The following LIFR variants were observed in gnomAD, a reference collection of about 807,000 sequenced individuals.
The protein encoded by LIFR is leukemia inhibitory factor receptor.
In LIFR, 84 loss-of-function variants were observed where a neutral mutation model predicts 122.2. That is an observed-to-expected ratio of 0.69 (90% CI 0.58 to 0.82). LIFR has a LOEUF of 0.82. Among genes scored for constraint, LIFR ranks in the 40% least tolerant of loss-of-function variants. The pLI is 0.00. For synonymous variants in LIFR, 422 were observed against 434.7 expected (o/e 0.97, Z 0.36); for missense variants, 1,294 against 1,311.6 (o/e 0.99, Z 0.21).
chr5:38,492,643 C>CATG (rs1744656969), intron 14 of LIFR, among the ~76,000 whole-genome samples: 1 of 152,142 alleles, frequency 6.6e-6, no homozygotes. Flanking sequence ...TGAACTCATA[C>CATG]ATGATAATCC....
intron 1 of LIFR, among the ~76,000 whole-genome samples, chr5:38,554,132 T>G (rs1748389944): frequency 6.6e-6 from 1 of 152,212 alleles, no homozygotes; most frequent in Non-Finnish European, 1.5e-5. Flanking sequence ...TTTAAACACT[T>G]AAGAATTTTT....
chr5:38,501,167 C>T (rs112408779), intron 11 of LIFR, among the ~76,000 whole-genome samples: 1,576 of 152,324 alleles, frequency 0.01, 21 homozygotes, highest in Non-Finnish European at 0.013. Context: ...TAAACATCTG[C>T]TGTGTTAAGC....
In LIFR at chr5:38,477,271, A is replaced by G. The variant is rs1186790466; in HGVS notation, c.*4324T>C. 4.1e-5 allele frequency: 9 copies of G among 219,998 alleles called. No homozygotes were observed. Among genetic ancestry groups the G allele is most frequent in the African/African-American group, 2.0e-4 (9 of 44,720 alleles). 13.6% of individuals were successfully genotyped at this position (219,998 alleles called of 1,614,324 possible). A position where few individuals can be genotyped will look rare whatever the true frequency, so the allele number is the denominator to read the frequency against. ...AAACGAACCAAATTCAAGCCAAGTA[A>G]TTTCCAATGATATTCTAAGGCTAAG... On this transcript the variant is annotated 3_prime_UTR_variant, in exon 20 of 20. Transcript: ENST00000453190.
chr5:38,492,998 C>T (rs575997122), intron 14 of LIFR, among the ~76,000 whole-genome samples: 3 of 152,300 alleles, frequency 2.0e-5, no homozygotes, highest in East Asian at 1.9e-4. Flanking sequence ...GGACACTCAC[C>T]GGCAGCTCAC....
At chr5:38,559,160 T>G (rs549834899), upstream of LIFR, 14 of 152,356 alleles carry the variant, frequency 9.2e-5, no homozygotes, top group Middle Eastern at 3.4e-3. Context: ...CTGCCTTCCA[T>G]GTATACCCAT....
intron 1 of LIFR, among the ~76,000 whole-genome samples, chr5:38,562,109 C>G (rs1748859873): frequency 6.6e-6 from 1 of 152,208 alleles, no homozygotes; most frequent in Non-Finnish European, 1.5e-5. Context: ...ACCAAACCCT[C>G]TCTTTCCCGA....
intron 15 of LIFR, 100 bp from the exon 16 acceptor site, chr5:38,489,345 G>A: frequency 3.1e-6 from 3 of 966,916 alleles, no homozygotes; most frequent in South Asian, 1.4e-5. Context: ...AATTCAACTT[G>A]GAATTAAAAC....
intron 1 of LIFR, among the ~76,000 whole-genome samples, chr5:38,540,679 T>A (rs1295465287): frequency 6.6e-6 from 1 of 152,146 alleles, no homozygotes; most frequent in Non-Finnish European, 1.5e-5. Flanking sequence ...TTCCAGTTTT[T>A]CCAAAAGGGC....
intron 5 of LIFR, among the ~76,000 whole-genome samples, chr5:38,521,354 A>G (rs966739021): frequency 6.6e-6 from 1 of 152,242 alleles, no homozygotes; most frequent in African/African-American, 2.4e-5. Flanking sequence ...ATACAAGATT[A>G]TATCACCAGC....
At chr5:38,505,868 A>C in intron 9 of LIFR, 37 bp downstream of exon 9, 1 of 1,424,866 alleles carries the variant, frequency 7.0e-7, no homozygotes, top group South Asian at 1.3e-5. Flanking sequence ...ACCACTTTTA[A>C]AGTTATTTTT....
At chr5:38,527,847 G>C (rs1746774952) in intron 3 of LIFR, among the ~76,000 whole-genome samples, 1 of 152,140 alleles carries the variant, frequency 6.6e-6, no homozygotes, top group South Asian at 2.1e-4. Context: ...TATCTCTCCA[G>C]AGCATGCTTA....
intron 13 of LIFR, among the ~76,000 whole-genome samples, chr5:38,494,309 G>A (rs1744758258): frequency 6.6e-6 from 1 of 152,184 alleles, no homozygotes; most frequent in Non-Finnish European, 1.5e-5. Flanking sequence ...CAAGAGCTGG[G>A]CTGAAGGGGT....
At chr5:38,579,828 G>T (rs1476831851) in intron 1 of LIFR, among the ~76,000 whole-genome samples, 1 of 152,076 alleles carries the variant, frequency 6.6e-6, no homozygotes, top group Non-Finnish European at 1.5e-5. Context: ...TATTCTACTA[G>T]GTCATCCAAA....
chr5:38,477,441 T>A lies in LIFR; in HGVS notation c.*4154A>T, dbSNP rs73077448. ...ACTTAAAATAAATGCTTTCAAGAAATAGTTTATCAAGAGAATGAGTTCTGA... is the reference window on the plus strand; with the variant it reads ...ACTTAAAATAAATGCTTTCAAGAAAAAGTTTATCAAGAGAATGAGTTCTGA... On this transcript the variant is annotated 3_prime_UTR_variant, in exon 20 of 20. Coordinates refer to ENST00000453190, the MANE Select transcript of LIFR (RefSeq NM_001127671.2). 1 of 213,506 alleles carries A rather than the reference T, an allele frequency of 4.7e-6. No homozygotes were observed. Among genetic ancestry groups the A allele is most frequent in the Non-Finnish European group, 9.5e-6 (1 of 105,680 alleles). 13.2% of individuals were successfully genotyped at this position (213,506 alleles called of 1,614,324 possible). A position where few individuals can be genotyped will look rare whatever the true frequency, so the allele number is the denominator to read the frequency against.
At chr5:38,522,047 C>A (rs1746429851) in intron 5 of LIFR, among the ~76,000 whole-genome samples, 1 of 152,184 alleles carries the variant, frequency 6.6e-6, no homozygotes, top group South Asian at 2.1e-4. Flanking sequence ...CCAGAATGCT[C>A]AGGTGGACAG....
At chr5:38,544,876 G>A (rs1342271223) in intron 1 of LIFR, among the ~76,000 whole-genome samples, 1 of 152,116 alleles carries the variant, frequency 6.6e-6, no homozygotes, top group Non-Finnish European at 1.5e-5. Flanking sequence ...CACACAAAAA[G>A]TGTGCAGTAA....
At chr5:38,504,241 T>G (rs1308326946) in intron 9 of LIFR, 120 bp from the exon 10 acceptor site, 12 of 689,164 alleles carry the variant, frequency 1.7e-5, no homozygotes, top group Non-Finnish European at 3.1e-5. Context: ...ACCAACAACA[T>G]CCTACCCAGT....
rs151282774 is a variant in LIFR, at chr5:38,511,856, T to G, written c.670A>C (p.Ile224Leu). ...AIHFVEIRCYIDNLHFSGLEE... is the reference protein window; with the variant it reads ...AIHFVEIRCYLDNLHFSGLEE... ...AGACCAGAAAAATGAAGATTGTCAA[T>G]GTAGCATCTAATTTCCACAAAATGA... Residue 224 changes from isoleucine to leucine, a missense_variant, in exon 6 of 20, where the codon ATT becomes CTT. Transcript: ENST00000453190. 1.2e-6 allele frequency: 2 copies of G among 1,614,140 alleles called. No individual in the cohort carries two copies. The highest frequency in any genetic ancestry group is 1.1e-5 in the South Asian group (1 of 91,080).
chr5:38,530,474 C>T (rs550481127), intron 2 of LIFR, 32 bp downstream of exon 2: 1 of 1,585,858 alleles, frequency 6.3e-7, no homozygotes, highest in Non-Finnish European at 8.7e-7. Flanking sequence ...AAACTGCAAT[C>T]TGTTCATTCT....
Sources: allele counts gnomAD v4.1 joint callset (sites outside exome capture counted in the v4.1 genomes callset), GRCh38; gene constraint gnomAD v4.1.1; transcripts MANE v1.5; gene names NCBI Gene and HGNC (gene_info 2026-07-23, HGNC 2026-07-21).